NKAIN2: variants seen among roughly 807,000 people sequenced by gnomAD.
The protein encoded by NKAIN2 is sodium/potassium transporting ATPase interacting 2, also known as sodium/potassium-transporting ATPase subunit beta-1-interacting protein 2.
In NKAIN2, 14 loss-of-function variants were observed where a neutral mutation model predicts 32.6. The observed-to-expected ratio is 0.43, with a 90% CI of 0.28 to 0.67. NKAIN2 has a LOEUF of 0.67. NKAIN2 is among the 30% of genes least tolerant of loss of function. The pLI, the probability that NKAIN2 is intolerant of heterozygous loss-of-function variation, is 0.17. For missense variants in NKAIN2, 198 were observed against 258.3 expected (o/e 0.77, Z 1.60); for synonymous variants, 80 against 87.2 (o/e 0.92, Z 0.46).
At chr6:124,571,500 T>G (rs539116236) in intron 3 of NKAIN2, among the ~76,000 whole-genome samples, 1 of 152,276 alleles carries the variant, frequency 6.6e-6, no homozygotes, top group East Asian at 1.9e-4. Flanking sequence ...GTAAGTCTCA[T>G]GAGATCTGAT....
chr6:124,420,599 A>G (rs1254275112), intron 3 of NKAIN2, among the ~76,000 whole-genome samples: 1 of 152,162 alleles, frequency 6.6e-6, no homozygotes, highest in Non-Finnish European at 1.5e-5. Flanking sequence ...TCTGCACAGT[A>G]AAACGATTAA....
chr6:123,924,639 C>T (rs184034729), intron 1 of NKAIN2, among the ~76,000 whole-genome samples: 33 of 152,204 alleles, frequency 2.2e-4, no homozygotes, highest in African/African-American at 7.2e-4. Flanking sequence ...ACTAAAAAGA[C>T]CTGGATCGTT....
intron 3 of NKAIN2, among the ~76,000 whole-genome samples, chr6:124,635,100 GAGAA>G (rs1391295628): frequency 1.3e-5 from 2 of 151,762 alleles, no homozygotes; most frequent in Non-Finnish European, 1.5e-5. Flanking sequence ...GAGAAAGAAA[GAGAA>G]AGAAAGAGCT....
At chr6:124,492,317 C>T (rs1777895813) in intron 3 of NKAIN2, among the ~76,000 whole-genome samples, 1 of 151,960 alleles carries the variant, frequency 6.6e-6, no homozygotes, top group Non-Finnish European at 1.5e-5. Context: ...AATAATGTTG[C>T]TTCTAAAATG....
intron 3 of NKAIN2, among the ~76,000 whole-genome samples, chr6:124,535,694 AC>A (rs1223859910): frequency 6.6e-6 from 1 of 152,210 alleles, no homozygotes; most frequent in Non-Finnish European, 1.5e-5. Flanking sequence ...CAATGATAGC[AC>A]CAGTGACCTG....
rs536621123 is a variant in NKAIN2, at chr6:123,823,761, G to T, written c.54+19507G>T. On this transcript the variant is annotated intron_variant, in intron 1 of 6. Transcript: ENST00000368417. The stretch of plus-strand genomic sequence containing the variant: ...AGGATCAGGTAGTGCATCATCAAGA[G>T]ACTCAAGAAGAGGAAGGAGCAAACC... 8.9e-4 allele frequency among the ~76,000 whole-genome samples: 136 copies of T among 152,200 alleles called. 1 individual carries two copies. Among genetic ancestry groups the T allele is most frequent in the African/African-American group, 3.1e-3 (128 of 41,544 alleles).
At chr6:124,750,570 A>G (rs1302039964) in intron 4 of NKAIN2, among the ~76,000 whole-genome samples, 3 of 151,980 alleles carry the variant, frequency 2.0e-5, no homozygotes, top group Non-Finnish European at 4.4e-5. Context: ...AGAATCTAGC[A>G]TAATAACTAA....
intron 3 of NKAIN2, among the ~76,000 whole-genome samples, chr6:124,625,640 A>AGTT (rs1562291454): frequency 1.3e-5 from 2 of 152,050 alleles, no homozygotes; most frequent in Admixed American, 6.5e-5. Flanking sequence ...CAATGTAAAA[A>AGTT]GTTATTATGA....
At chr6:124,219,663 A>T (rs993466271) in intron 1 of NKAIN2, among the ~76,000 whole-genome samples, 4 of 152,024 alleles carry the variant, frequency 2.6e-5, no homozygotes, top group African/African-American at 7.3e-5. Flanking sequence ...AATTCATAAG[A>T]AATACTATGT....
chr6:124,101,697 A>G (rs1784900109), intron 1 of NKAIN2, among the ~76,000 whole-genome samples: 1 of 152,098 alleles, frequency 6.6e-6, no homozygotes, highest in South Asian at 2.1e-4. Flanking sequence ...GGAATGTGAC[A>G]TAAACTAAGG....
At chr6:123,862,824 C>G (rs1336219066) in intron 1 of NKAIN2, among the ~76,000 whole-genome samples, 1 of 152,102 alleles carries the variant, frequency 6.6e-6, no homozygotes, top group Non-Finnish European at 1.5e-5. Flanking sequence ...TATATCTTAT[C>G]TTTTTCTACG....
intron 1 of NKAIN2, among the ~76,000 whole-genome samples, chr6:123,900,532 G>GTTTTTTGT (rs1774517884): frequency 3.1e-5 from 1 of 32,764 alleles, no homozygotes; most frequent in East Asian, 1.9e-3. Context: ...CTCCAGATTA[G>GTTTTTTGT]TTTTTTTTTT....
chr6:124,811,706 A>G (rs1037572309), intron 5 of NKAIN2, among the ~76,000 whole-genome samples: 2 of 152,202 alleles, frequency 1.3e-5, no homozygotes, highest in Non-Finnish European at 2.9e-5. Context: ...AAGAAAATGC[A>G]CTTGCAAAGA....
chr6:124,722,688 C>T (rs993938965), intron 4 of NKAIN2, among the ~76,000 whole-genome samples: 3 of 152,212 alleles, frequency 2.0e-5, no homozygotes, highest in African/African-American at 7.2e-5. Context: ...CTCTGAGGCC[C>T]AGTTCCTAAC....
intron 3 of NKAIN2, among the ~76,000 whole-genome samples, chr6:124,410,104 C>G (rs1415955401): frequency 1.3e-5 from 2 of 151,942 alleles, no homozygotes; most frequent in African/African-American, 4.8e-5. Flanking sequence ...ATTAGTCTTG[C>G]TAGTGGTCTA....
intron 3 of NKAIN2, among the ~76,000 whole-genome samples, chr6:124,529,859 A>G (rs1779455669): frequency 6.6e-6 from 1 of 152,250 alleles, no homozygotes; most frequent in Non-Finnish European, 1.5e-5. Context: ...ATCAAATTAT[A>G]ATGGGCTGAA....
intron 1 of NKAIN2, among the ~76,000 whole-genome samples, chr6:124,057,428 T>A (rs1782708738): frequency 6.6e-6 from 1 of 152,114 alleles, no homozygotes; most frequent in African/African-American, 2.4e-5. Context: ...GAAATGGTAG[T>A]GTATATCAGC....
chr6:123,883,474 TAA>T (rs1773554698), intron 1 of NKAIN2, among the ~76,000 whole-genome samples: 1 of 151,822 alleles, frequency 6.6e-6, no homozygotes, highest in Non-Finnish European at 1.5e-5. Flanking sequence ...TCTTGTTTTT[TAA>T]AAAGTGTGTA....
At chr6:123,895,529 C>T (rs1022471202) in intron 1 of NKAIN2, among the ~76,000 whole-genome samples, 2 of 150,910 alleles carry the variant, frequency 1.3e-5, no homozygotes, top group Admixed American at 1.3e-4. Flanking sequence ...AATCAGCTGT[C>T]CATCCATCTA....
Sources: allele counts gnomAD v4.1 joint callset (sites outside exome capture counted in the v4.1 genomes callset), GRCh38; gene constraint gnomAD v4.1.1; transcripts MANE v1.5; gene names NCBI Gene and HGNC (gene_info 2026-07-23, HGNC 2026-07-21).